The following CEP128 variants were observed in gnomAD, a reference collection of about 807,000 sequenced individuals.
CEP128 encodes centrosomal protein 128, also known as centrosomal protein 128kDa.
CEP128 carries 132 observed loss-of-function variants against 156.7 expected under a neutral mutation model. That is an observed-to-expected ratio of 0.84 (90% confidence interval 0.73 to 0.97). CEP128 has a LOEUF of 0.97. CEP128 is among the 50% of genes least tolerant of loss of function. CEP128 has a pLI of 0.00. For synonymous variants in CEP128, 469 were observed against 448.9 expected (o/e 1.04, Z -0.57); for missense variants, 1,252 against 1,281.9 (o/e 0.98, Z 0.36).
At chr14:80,699,092 TA>T (rs766442910) in intron 19 of CEP128, among the ~76,000 whole-genome samples, 5 of 152,198 alleles carry the variant, frequency 3.3e-5, no homozygotes, top group Non-Finnish European at 5.9e-5. Flanking sequence ...ATAGACCTGA[TA>T]CTCAAACGGA....
chr14:80,918,326 T>A (rs1326229825), intron 2 of CEP128, among the ~76,000 whole-genome samples: 1 of 152,242 alleles, frequency 6.6e-6, no homozygotes, highest in Non-Finnish European at 1.5e-5. Flanking sequence ...ACATAACATC[T>A]TTTACTCTAA....
chr14:80,691,907 C>A (rs1030783737), intron 19 of CEP128, among the ~76,000 whole-genome samples: 4 of 152,052 alleles, frequency 2.6e-5, no homozygotes, highest in Non-Finnish European at 5.9e-5. Flanking sequence ...GGAATATCAT[C>A]CAAAATTACA....
chr14:80,668,843 C>T (rs1040149260), intron 19 of CEP128, among the ~76,000 whole-genome samples: 1 of 152,124 alleles, frequency 6.6e-6, no homozygotes, highest in Non-Finnish European at 1.5e-5. Flanking sequence ...CTTTCCTGTG[C>T]TGTTCTCATG....
Position 80,530,811 on chromosome 14 carries a change from T to C in CEP128, c.2956A>G (p.Arg986Gly). The change falls in exon 22 of 25, where the codon AGA becomes GGA. Residue 986 changes from arginine to glycine, a missense_variant and splice_region_variant. Physicochemically the swap from Arg to Gly is moderately radical, Grantham distance 125 (BLOSUM62 -2). Transcript: ENST00000555265. The part of the protein sequence containing the change: ...LSLLEDFKDF[R>G]DSCSSSERTD... ...GAGACAAGCCAACTCTTTCTCACTC[T>C]GAAGTCTTTGAAATCTTCTAGTAGG... The C allele has an allele frequency of 1.9e-6, 3 of 1,601,652 alleles. No homozygotes were observed. Among genetic ancestry groups the C allele is most frequent in the Non-Finnish European group, 2.6e-6 (3 of 1,172,722 alleles).
chr14:80,514,698 G>A (rs767768973), intron 23 of CEP128: 12 of 419,618 alleles, frequency 2.9e-5, no homozygotes, highest in South Asian at 2.1e-4. Context: ...ACATATTTTT[G>A]TCACTCCAGT....
chr14:80,931,680 A>C (rs1421750296), intron 2 of CEP128, among the ~76,000 whole-genome samples: 1 of 152,236 alleles, frequency 6.6e-6, no homozygotes, highest in Non-Finnish European at 1.5e-5. Flanking sequence ...CCTGCTCCAC[A>C]AACTCAACCT....
At chr14:80,646,168 G>T (rs536490597) in intron 19 of CEP128, among the ~76,000 whole-genome samples, 3 of 152,126 alleles carry the variant, frequency 2.0e-5, no homozygotes, top group South Asian at 4.2e-4. Flanking sequence ...AACGTAAAAC[G>T]CCAAGAATGA....
At chr14:80,941,772 G>T (rs1453950346), upstream of CEP128, 5 of 152,790 alleles carry the variant, frequency 3.3e-5, no homozygotes, top group East Asian at 9.7e-4. Flanking sequence ...ACAGGACCCC[G>T]CTGCCGCCGC....
intron 8 of CEP128, among the ~76,000 whole-genome samples, chr14:80,875,164 A>G (rs1271067750): frequency 6.6e-6 from 1 of 152,172 alleles, no homozygotes; most frequent in Non-Finnish European, 1.5e-5. Context: ...TGGGTCCCTG[A>G]TTAATCACTC....
chr14:80,812,587 GA>G (rs947650287), intron 13 of CEP128, among the ~76,000 whole-genome samples: 2 of 151,466 alleles, frequency 1.3e-5, no homozygotes, highest in Non-Finnish European at 1.5e-5. Context: ...GTTTGTTTTT[GA>G]GACAGAATCT....
chr14:80,811,745 T>A (rs764228799), intron 13 of CEP128, among the ~76,000 whole-genome samples: 2 of 151,036 alleles, frequency 1.3e-5, no homozygotes, highest in African/African-American at 4.9e-5. Flanking sequence ...ATTATCCAGA[T>A]AGACAGGTAA....
chr14:80,497,497 T>C lies in CEP128; in HGVS notation c.3267A>G (p.Lys1089=), dbSNP rs778071184. 6 of 1,608,838 alleles carry C rather than the reference T, an allele frequency of 3.7e-6. No individual in the cohort carries two copies. The South Asian group carries it at 6.6e-5, about 18-fold the overall frequency. The change falls in exon 25 of 25, where the codon AAA becomes AAG. Residue 1089 remains lysine (K), a synonymous_variant. Coordinates refer to ENST00000555265, the MANE Select transcript of CEP128 (RefSeq NM_152446.5). ...TMNGTSSQPK[K]EEYGS ...TGCTTTTTTAGCTCCCATATTCCTC[T>C]TTTTTGGGTTGTGAACTTGTTCCAT...
intron 2 of CEP128, among the ~76,000 whole-genome samples, chr14:80,947,393 C>G (rs1029711882): frequency 6.6e-6 from 1 of 152,124 alleles, no homozygotes; most frequent in African/African-American, 2.4e-5. Context: ...GAAAATGAAG[C>G]ATTTTCTTCC....
At chr14:80,704,457 CTATA>C (rs1171390486) in intron 19 of CEP128, among the ~76,000 whole-genome samples, 3 of 148,486 alleles carry the variant, frequency 2.0e-5, no homozygotes, top group African/African-American at 4.9e-5. Flanking sequence ...TTCATATTTT[CTATA>C]TATAAACATA....
intron 19 of CEP128, among the ~76,000 whole-genome samples, chr14:80,613,292 A>ATTT (rs60007458): frequency 4.6e-5 from 3 of 65,424 alleles, no homozygotes; most frequent in Admixed American, 2.5e-4. Flanking sequence ...AATGGAGAGC[A>ATTT]TTTTTTTTTT....
At chr14:80,665,415 G>A (rs1895573375) in intron 19 of CEP128, among the ~76,000 whole-genome samples, 1 of 152,146 alleles carries the variant, frequency 6.6e-6, no homozygotes, top group Admixed American at 6.5e-5. Context: ...GAGGAATGCT[G>A]GATTTAATTG....
chr14:80,480,232 C>T (rs1057370571), intron 14 of CEP128, among the ~76,000 whole-genome samples: 1 of 152,232 alleles, frequency 6.6e-6, no homozygotes, highest in Non-Finnish European at 1.5e-5. Context: ...CTCTTCTGCA[C>T]TGCCCTAGCA....
downstream of CEP128, among the ~76,000 whole-genome samples, chr14:80,494,560 G>T (rs1887428535): frequency 6.6e-6 from 1 of 152,062 alleles, no homozygotes; most frequent in African/African-American, 2.4e-5. Context: ...AACACAATGT[G>T]TTATCTAACT....
chr14:80,508,136 G>A (rs1214402555), intron 23 of CEP128, among the ~76,000 whole-genome samples: 1 of 152,064 alleles, frequency 6.6e-6, no homozygotes, highest in Non-Finnish European at 1.5e-5. Flanking sequence ...GGCTGGTCTC[G>A]AACTCCTGAC....
Sources: gnomAD v4.1 joint callset for allele counts (sites outside exome capture counted in the v4.1 genomes callset) on GRCh38, gnomAD v4.1.1 for gene constraint, MANE v1.5 for transcripts, NCBI Gene and HGNC (gene_info 2026-07-23, HGNC 2026-07-21) for gene names.